The following MRPS28 variants were observed in gnomAD, a reference collection of about 807,000 sequenced individuals.
The protein encoded by MRPS28 is small ribosomal subunit protein bS1m.
A neutral mutation model predicts 10.8 loss-of-function variants in MRPS28; 7 were observed. That is an observed-to-expected ratio of 0.65 (90% CI 0.37 to 1.22). MRPS28 has a LOEUF of 1.22. MRPS28 is among the 50% of genes most tolerant of loss of function. The probability of loss-of-function intolerance (pLI) is 0.02; values close to 1 mark genes in which losing one functional copy is unlikely to be tolerated. For synonymous variants in MRPS28, 121 were observed against 93.3 expected, an observed-to-expected ratio of 1.30 and a Z score of -1.71; for missense variants, 265 against 232.9, an observed-to-expected ratio of 1.14 and a Z score of -0.90.
intron 2 of MRPS28, among the ~76,000 whole-genome samples, chr8:79,964,438 C>A (rs931120725): frequency 1.3e-5 from 2 of 152,062 alleles, no homozygotes; most frequent in African/African-American, 4.8e-5. Context: ...GCCAAAAAAC[C>A]TAGTTAGAGC....
At chr8:79,966,965 C>T (rs140254819) in intron 2 of MRPS28, among the ~76,000 whole-genome samples, 248 of 152,192 alleles carry the variant, frequency 1.6e-3, no homozygotes, top group Non-Finnish European at 2.9e-3. Flanking sequence ...TCTTTGACCC[C>T]AATTCACATA....
intron 1 of MRPS28, among the ~76,000 whole-genome samples, chr8:80,029,525 G>C (rs955412301): frequency 1.3e-5 from 2 of 152,154 alleles, no homozygotes; most frequent in Non-Finnish European, 1.5e-5. Flanking sequence ...CAAAAGAGAG[G>C]TGAAGCGCTG....
rs1313987683 is a variant in MRPS28, at chr8:79,975,934, T to C, written c.395+27065A>G. 3.3e-5 allele frequency among the ~76,000 whole-genome samples: 5 copies of C among 152,060 alleles called. No homozygotes were observed. The East Asian group carries it at 9.6e-4, about 29-fold the overall frequency. ...ATTAACAGGGAATTAGTTAAAGAAG[T>C]TGTAGTAGTAAAATGCTATGCAGTC... On this transcript the variant is annotated intron_variant, in intron 2 of 2. Transcript: ENST00000276585.
chr8:79,925,344 C>T (rs905042866), intron 2 of MRPS28, among the ~76,000 whole-genome samples: 4 of 152,016 alleles, frequency 2.6e-5, no homozygotes, highest in African/African-American at 9.7e-5. Context: ...AATCTACATA[C>T]TCTCACAGCA....
At chr8:79,979,591 A>G (rs932106130) in intron 2 of MRPS28, among the ~76,000 whole-genome samples, 2 of 152,094 alleles carry the variant, frequency 1.3e-5, no homozygotes, top group African/African-American at 2.4e-5. Flanking sequence ...TGGCACAAAC[A>G]CAGCTCACTC....
Position 80,030,178 on chromosome 8 carries a change from C to T in MRPS28, c.71G>A (p.Arg24Lys), listed in dbSNP as rs1300062677. Residue 24 changes from arginine to lysine, a missense_variant, in exon 1 of 3, where the codon AGG becomes AAG. Transcript: ENST00000276585. ...SHFLRVFLFFRPFRGVGTESG... is the reference protein window; with the variant it reads ...SHFLRVFLFFKPFRGVGTESG... ...CTCAGTGCCTACACCCCGAAAGGGC[C>T]TGAAGAAGAGAAACACTCGCAGAAA... 1 of 1,614,186 alleles carries T rather than the reference C, an allele frequency of 6.2e-7. No individual in the cohort carries two copies. Among genetic ancestry groups the T allele is most frequent in the Middle Eastern group, 1.6e-4 (1 of 6,062 alleles).
chr8:79,944,278 T>C (rs1806842847), intron 2 of MRPS28, among the ~76,000 whole-genome samples: 1 of 152,224 alleles, frequency 6.6e-6, no homozygotes, highest in Non-Finnish European at 1.5e-5. Context: ...CACTGTGATA[T>C]GTGGAAGACT....
chr8:80,008,782 C>G (rs1028375363), intron 1 of MRPS28, among the ~76,000 whole-genome samples: 1 of 152,210 alleles, frequency 6.6e-6, no homozygotes, highest in Non-Finnish European at 1.5e-5. Flanking sequence ...ACAACAGGTA[C>G]TGGAGAGGAT....
chr8:80,029,929 G>A (rs1029255376), intron 1 of MRPS28, 107 bp downstream of exon 1: 41 of 1,535,680 alleles, frequency 2.7e-5, no homozygotes, highest in East Asian at 1.2e-4. Context: ...ACTGGGCCCC[G>A]GACCTCAGCT....
At chr8:79,938,556 G>C (rs1218369656) in intron 2 of MRPS28, among the ~76,000 whole-genome samples, 1 of 151,546 alleles carries the variant, frequency 6.6e-6, no homozygotes, top group Admixed American at 6.6e-5. Flanking sequence ...TTGAAGTTTT[G>C]GTAGGGAATG....
At chr8:79,992,930 C>G (rs896844778) in intron 2 of MRPS28, among the ~76,000 whole-genome samples, 3 of 152,072 alleles carry the variant, frequency 2.0e-5, no homozygotes, top group African/African-American at 7.2e-5. Flanking sequence ...TAACAAAGTA[C>G]CTAGCATAGA....
At chr8:80,025,935 T>C (rs1237176881) in intron 1 of MRPS28, among the ~76,000 whole-genome samples, 1 of 152,192 alleles carries the variant, frequency 6.6e-6, no homozygotes, top group Non-Finnish European at 1.5e-5. Context: ...TATATAGCAA[T>C]ACTTAGCTTA....
At chr8:79,926,999 T>A (rs1041433976) in intron 2 of MRPS28, among the ~76,000 whole-genome samples, 2 of 152,180 alleles carry the variant, frequency 1.3e-5, no homozygotes, top group Non-Finnish European at 2.9e-5. Context: ...TCCAAATGGT[T>A]TGTGGTAGTT....
chr8:79,922,828 A>C, intron 2 of MRPS28, among the ~76,000 whole-genome samples: 1 of 152,078 alleles, frequency 6.6e-6, no homozygotes, highest in Admixed American at 6.5e-5. Context: ...CTAAATATAT[A>C]CTTTATATAT....
chr8:80,013,004 G>A (rs1809095021), intron 1 of MRPS28, among the ~76,000 whole-genome samples: 1 of 152,014 alleles, frequency 6.6e-6, no homozygotes, highest in Admixed American at 6.6e-5. Context: ...ACTGAACAGT[G>A]GTTCTTAAAT....
intron 2 of MRPS28, among the ~76,000 whole-genome samples, chr8:79,996,647 G>A (rs1218756134): frequency 6.6e-6 from 1 of 152,136 alleles, no homozygotes; most frequent in Non-Finnish European, 1.5e-5. Context: ...TCCAACAAAT[G>A]AATTCTGCAG....
intron 2 of MRPS28, among the ~76,000 whole-genome samples, chr8:79,942,529 TC>T (rs1806796944): frequency 6.6e-6 from 1 of 152,188 alleles, no homozygotes; most frequent in African/African-American, 2.4e-5. Context: ...TCCATGTGAT[TC>T]CATAAAACTA....
chr8:80,003,755 G>A (rs1230396808), intron 1 of MRPS28, among the ~76,000 whole-genome samples: 1 of 152,200 alleles, frequency 6.6e-6, no homozygotes, highest in Non-Finnish European at 1.5e-5. Context: ...AGCTGTGACA[G>A]ACGGCACCTG....
chr8:79,999,308 T>C (rs1473351687), intron 2 of MRPS28, among the ~76,000 whole-genome samples: 1 of 152,234 alleles, frequency 6.6e-6, no homozygotes. Flanking sequence ...ACAACTGAGC[T>C]GGATCTCATT....
Sources: allele counts gnomAD v4.1 joint callset (sites outside exome capture counted in the v4.1 genomes callset), GRCh38; gene constraint gnomAD v4.1.1; transcripts MANE v1.5; gene names NCBI Gene and HGNC (gene_info 2026-07-23, HGNC 2026-07-21).